DCTN4: variants seen among roughly 807,000 people sequenced by gnomAD.
DCTN4 encodes the protein dynactin 4 (p62).
A neutral mutation model predicts 62.7 loss-of-function variants in DCTN4; 23 were observed. That is an observed-to-expected ratio of 0.37 (90% confidence interval 0.26 to 0.52). DCTN4 has a LOEUF of 0.52. Ranked by LOEUF, DCTN4 falls within the 20% of genes least tolerant of loss-of-function variation. DCTN4 has a pLI of 0.92. For missense variants in DCTN4, 514 were observed against 580.4 expected (o/e 0.89, Z 1.18); for synonymous variants, 199 against 202.1 (o/e 0.98, Z 0.13).
rs913305236 is a variant in DCTN4, at chr5:150,718,279, A to G, written c.1068T>C (p.Ala356=). The G allele has an allele frequency of 6.2e-7, 1 of 1,611,390 alleles. No individual in the cohort carries two copies. The highest frequency in any genetic ancestry group is 8.5e-7 in the Non-Finnish European group (1 of 1,178,000). The change falls in exon 11 of 13, where the codon GCT becomes GCC. Residue 356 remains alanine (A), a synonymous_variant. Coordinates refer to ENST00000447998, the MANE Select transcript of DCTN4 (RefSeq NM_016221.4). ...GGCTGAGGCAAAATGCTCCTACCTT[A>G]GCAGTGCTGTTGATATCATCAGGGT... ...EGDPDDINST[A]KVVVPPKELV...
At chr5:150,752,213 A>AT (rs1752701958) in intron 3 of DCTN4, among the ~76,000 whole-genome samples, 1 of 152,156 alleles carries the variant, frequency 6.6e-6, no homozygotes, top group Non-Finnish European at 1.5e-5. Context: ...GCAACTCAAG[A>AT]TTTTGAACTG....
intron 4 of DCTN4, chr5:150,733,757 AT>A (rs1197725061): frequency 1.1e-5 from 3 of 269,254 alleles, no homozygotes; most frequent in Non-Finnish European, 2.1e-5. Context: ...AACTGCTCTT[AT>A]TTTTTTTCTG....
intron 4 of DCTN4, among the ~76,000 whole-genome samples, chr5:150,738,720 T>C (rs996278628): frequency 3.3e-5 from 5 of 152,120 alleles, no homozygotes; most frequent in African/African-American, 7.2e-5. Context: ...ATGCCCACTT[T>C]TACCACTTCT....
At chr5:150,722,533 C>T (rs1225046971) in intron 9 of DCTN4, among the ~76,000 whole-genome samples, 1 of 152,172 alleles carries the variant, frequency 6.6e-6, no homozygotes, top group Non-Finnish European at 1.5e-5. Context: ...AAAATGAACA[C>T]TGTTACAGGG....
intron 4 of DCTN4, among the ~76,000 whole-genome samples, chr5:150,741,164 C>CAAAAAAAAAA (rs754641920): frequency 3.6e-3 from 212 of 58,334 alleles, no homozygotes; most frequent in African/African-American, 0.011. Flanking sequence ...GATCCTGTCT[C>CAAAAAAAAAA]AAAAAAAAAA....
intron 2 of DCTN4, chr5:150,755,520 T>C (rs1156393834): frequency 1.5e-5 from 7 of 456,308 alleles, no homozygotes; most frequent in Non-Finnish European, 3.1e-5. Flanking sequence ...TAATCAAAGA[T>C]GGCACTTTAC....
rs1760460957 is a variant in DCTN4 at position 150,733,446 on chromosome 5, C to G, written c.459G>C (p.Gln153His). 1.2e-6 allele frequency: 2 copies of G among 1,613,950 alleles called. No homozygotes were observed. Among genetic ancestry groups the G allele is most frequent in the Admixed American group, 3.3e-5 (2 of 59,974 alleles). Residue 153 changes from glutamine to histidine, a missense_variant, in exon 5 of 13, where the codon CAG (glutamine) becomes CAC (histidine). By Grantham distance (24) the Gln-to-His change is conservative. Transcript: ENST00000447998. ...RMNKLIEYYQ[Q>H]LAQKEKVERD... ...GCTCAACCTTCTCTTTCTGAGCAAG[C>G]TGCTGGTAATATTCAATCAATTTGT...
Position 150,710,213 on chromosome 5 carries a change from A to G in DCTN4, c.*936T>C, listed in dbSNP as rs1759508659. 6.6e-6 allele frequency: 1 copy of G among 152,374 alleles called. No individual in the cohort carries two copies. The highest frequency in any genetic ancestry group is 2.4e-5 in the African/African-American group (1 of 41,462). The allele number at this position is 152,374 out of a possible 1,614,324, so 9.4% of individuals were successfully genotyped here. On this transcript the variant is annotated 3_prime_UTR_variant, in exon 13 of 13. Transcript: ENST00000447998. ...ATATTCTAAAAATCTAGCCTTTAAAATGTTTTCTGCATTCCAGAAATGAAC... is the reference window on the plus strand; with the variant it reads ...ATATTCTAAAAATCTAGCCTTTAAAGTGTTTTCTGCATTCCAGAAATGAAC...
intron 3 of DCTN4, among the ~76,000 whole-genome samples, chr5:150,748,767 T>A (rs867783803): frequency 1.7e-5 from 2 of 120,524 alleles, no homozygotes; most frequent in Non-Finnish European, 3.3e-5. Context: ...AAGGGGAACA[T>A]CACACTCTGG....
At chr5:150,740,921 G>A (rs953582603) in intron 4 of DCTN4, among the ~76,000 whole-genome samples, 2 of 152,112 alleles carry the variant, frequency 1.3e-5, no homozygotes, top group Admixed American at 1.3e-4. Context: ...AGGGGGTGAG[G>A]ATAAAATACT....
intron 9 of DCTN4, 71 bp downstream of exon 9, chr5:150,722,836 A>G (rs1760002044): frequency 1.7e-6 from 2 of 1,166,196 alleles, no homozygotes; most frequent in Admixed American, 2.2e-5. Flanking sequence ...AACACACTTC[A>G]TACTGGGGAA....
chr5:150,710,995 A>G lies in DCTN4; in HGVS notation c.*154T>C, dbSNP rs1759539081. 3 of 731,544 alleles carry G rather than the reference A, an allele frequency of 4.1e-6. No individual in the cohort carries two copies. The highest frequency in any genetic ancestry group is 4.5e-6 in the Non-Finnish European group (2 of 443,448). 45.3% of individuals were successfully genotyped at this position (731,544 alleles called of 1,614,324 possible). ...CAACAGCAGCTACCCTGTGTTCCCA[A>G]TGCCTTGCCTATGCTCCCACTTTCT... On this transcript the variant is annotated 3_prime_UTR_variant, in exon 13 of 13. Coordinates refer to ENST00000447998, the MANE Select transcript of DCTN4 (RefSeq NM_016221.4).
intron 11 of DCTN4, 82 bp from the exon 12 acceptor site, chr5:150,715,744 A>C: frequency 9.2e-7 from 1 of 1,092,030 alleles, no homozygotes; most frequent in Non-Finnish European, 1.4e-6. Flanking sequence ...ATTTAGACAA[A>C]TGGAAGCACA....
intron 8 of DCTN4, among the ~76,000 whole-genome samples, chr5:150,727,147 C>T (rs1224617072): frequency 6.6e-6 from 1 of 152,112 alleles, no homozygotes; most frequent in Non-Finnish European, 1.5e-5. Flanking sequence ...ATGAGACATC[C>T]TTATCTGGGA....
intron 2 of DCTN4, chr5:150,755,615 T>A (rs570675103): frequency 2.2e-6 from 1 of 456,050 alleles, no homozygotes; most frequent in Admixed American, 2.4e-5. Context: ...TGACATTCTA[T>A]AAAATACCTC....
intron 4 of DCTN4, among the ~76,000 whole-genome samples, chr5:150,737,387 T>C (rs1188827676): frequency 6.6e-6 from 1 of 152,124 alleles, no homozygotes; most frequent in Admixed American, 6.6e-5. Context: ...TCTCAATACA[T>C]TTAAGAAAAC....
intron 8 of DCTN4, among the ~76,000 whole-genome samples, chr5:150,725,916 T>C (rs942535808): frequency 6.6e-6 from 1 of 152,218 alleles, no homozygotes; most frequent in Non-Finnish European, 1.5e-5. Flanking sequence ...ATTTATTTAT[T>C]TTTTGAGACA....
chr5:150,729,327 C>T (rs1395222770), intron 8 of DCTN4, among the ~76,000 whole-genome samples: 1 of 152,042 alleles, frequency 6.6e-6, no homozygotes, highest in Non-Finnish European at 1.5e-5. Flanking sequence ...CATCACCCAA[C>T]TTCAACGATT....
At chr5:150,752,339 A>G (rs1033999937) in intron 3 of DCTN4, among the ~76,000 whole-genome samples, 2 of 152,186 alleles carry the variant, frequency 1.3e-5, no homozygotes, top group Admixed American at 6.5e-5. Context: ...AAACACTCAA[A>G]TGATGGAGGT....
Sources: gnomAD v4.1 joint callset for allele counts (sites outside exome capture counted in the v4.1 genomes callset) on GRCh38, gnomAD v4.1.1 for gene constraint, MANE v1.5 for transcripts, NCBI Gene and HGNC (gene_info 2026-07-23, HGNC 2026-07-21) for gene names.